The following MRPL22 variants were observed in gnomAD, a reference collection of about 807,000 sequenced individuals.
MRPL22 encodes the protein large ribosomal subunit protein uL22m.
In MRPL22, 27 loss-of-function variants were observed where a neutral mutation model predicts 32.4. The observed-to-expected ratio is 0.83, with a 90% CI of 0.61 to 1.15. The LOEUF (loss-of-function observed/expected upper bound fraction) is 1.15. MRPL22 is among the 50% of genes most tolerant of loss of function. MRPL22 has a pLI of 0.00. For synonymous variants in MRPL22, 86 were observed against 87.3 expected (o/e 0.99, Z 0.08); for missense variants, 239 against 260.2 (o/e 0.92, Z 0.56).
chr5:154,965,654 TGTG>T (rs1230285912), intron 6 of MRPL22, among the ~76,000 whole-genome samples: 2 of 152,088 alleles, frequency 1.3e-5, no homozygotes, highest in African/African-American at 4.8e-5. Context: ...CTCCTGACCT[TGTG>T]GTGATCCGCC....
chr5:154,949,355 T>C (rs1392245333), intron 2 of MRPL22, among the ~76,000 whole-genome samples: 3 of 152,214 alleles, frequency 2.0e-5, no homozygotes, highest in African/African-American at 7.2e-5. Context: ...ATTAGAATAT[T>C]ACATAACTAT....
rs373983650 is a variant in MRPL22, at chr5:154,960,027, A to G, written c.387A>G (p.Glu129=). Reference sequence around the variant, plus strand: ...TGGCAGTGAGAGACCATAACGTGGAATTCAGGTCCAATTTATATATAGGTA... The same window carrying G: ...TGGCAGTGAGAGACCATAACGTGGAGTTCAGGTCCAATTTATATATAGGTA... ...QDMAVRDHNV[E]FRSNLYIAES... is the part of the protein sequence containing the mutation. Residue 129 remains glutamate (E), a synonymous_variant, in exon 6 of 7, where the codon GAA becomes GAG. Transcript: ENST00000523037. 576 of 1,611,114 alleles carry G rather than the reference A, an allele frequency of 3.6e-4. No homozygotes were observed. Among genetic ancestry groups the G allele is most frequent in the Non-Finnish European group, 4.6e-4 (544 of 1,177,944 alleles).
chr5:154,954,784 C>T (rs1466539901), intron 3 of MRPL22, among the ~76,000 whole-genome samples: 1 of 152,040 alleles, frequency 6.6e-6, no homozygotes, highest in Admixed American at 6.6e-5. Flanking sequence ...ATTAAAGGGT[C>T]TCTTCTTTTT....
At chr5:154,947,402 G>A (rs1266924152) in intron 2 of MRPL22, among the ~76,000 whole-genome samples, 1 of 152,172 alleles carries the variant, frequency 6.6e-6, no homozygotes, top group African/African-American at 2.4e-5. Flanking sequence ...GGATGGCAAA[G>A]GTATTGATTT....
chr5:154,953,333 G>C (rs1293564135), intron 3 of MRPL22, among the ~76,000 whole-genome samples: 1 of 135,008 alleles, frequency 7.4e-6, no homozygotes, highest in Non-Finnish European at 1.5e-5. Context: ...ACTTCAGCCT[G>C]GGTGACAGAG....
In MRPL22 at chr5:154,950,929, G is replaced by A. The variant is rs747121538; in HGVS notation, c.186G>A (p.Arg62=). 10 of 1,600,284 alleles carry A rather than the reference G, an allele frequency of 6.2e-6. No homozygotes were observed. The highest frequency in any genetic ancestry group is 1.1e-5 in the South Asian group (1 of 90,678). Residue 62 remains arginine, a synonymous_variant, in exon 3 of 7, where the codon CGG becomes CGA. Coordinates refer to ENST00000523037, the MANE Select transcript of MRPL22 (RefSeq NM_014180.4). ...VYPPQLPGEP[R]RPAEIYHCRR... is the part of the protein sequence containing the mutation. ...CTCCACAACTGCCTGGAGAACCTCGGAGACCAGCAGTAAGTTCGTGGGTAG... is the reference window on the plus strand; with the variant it reads ...CTCCACAACTGCCTGGAGAACCTCGAAGACCAGCAGTAAGTTCGTGGGTAG...
intron 3 of MRPL22, among the ~76,000 whole-genome samples, chr5:154,953,599 G>A (rs572566120): frequency 3.3e-5 from 5 of 150,150 alleles, no homozygotes; most frequent in Non-Finnish European, 4.4e-5. Flanking sequence ...TATATGAGAC[G>A]TATTTTTAAT....
In MRPL22 at chr5:154,966,769, T is replaced by G. The variant is rs748329668; in HGVS notation, c.493T>G (p.Tyr165Asp). ...TCGCTTTGGGATCATGGAGAAGGTTTATTGCCATTATTTTGTGAAGTTGGT... is the reference window on the plus strand; with the variant it reads ...TCGCTTTGGGATCATGGAGAAGGTTGATTGCCATTATTTTGTGAAGTTGGT... ...RGRFGIMEKV[Y>D]CHYFVKLVEG... Residue 165 changes from tyrosine to aspartate, a missense_variant, in exon 7 of 7, where the codon TAT becomes GAT. Coordinates refer to ENST00000523037, the MANE Select transcript of MRPL22 (RefSeq NM_014180.4). The G allele has an allele frequency of 2.5e-6, 4 of 1,614,108 alleles. No homozygotes were observed. The Admixed American group carries it at 6.7e-5, about 27-fold the overall frequency.
At chr5:154,957,384 T>TA (rs1764644517) in intron 5 of MRPL22, among the ~76,000 whole-genome samples, 172 bp downstream of exon 5, 1 of 152,216 alleles carries the variant, frequency 6.6e-6, no homozygotes, top group African/African-American at 2.4e-5. Flanking sequence ...TGTGTATACT[T>TA]TAGGAATGTT....
intron 2 of MRPL22, among the ~76,000 whole-genome samples, chr5:154,949,519 A>G (rs974161535): frequency 2.6e-5 from 4 of 152,178 alleles, no homozygotes; most frequent in African/African-American, 9.7e-5. Flanking sequence ...GGCTATTGCT[A>G]TATAGGATGG....
At chr5:154,941,387 G>C in intron 2 of MRPL22, 122 bp downstream of exon 2, 1 of 1,186,760 alleles carries the variant, frequency 8.4e-7, no homozygotes, top group Non-Finnish European at 1.2e-6. Context: ...AGGCGAATGA[G>C]ACAGCCCGAG....
At chr5:154,951,641 A>T (rs1764562682) in intron 3 of MRPL22, among the ~76,000 whole-genome samples, 1 of 151,910 alleles carries the variant, frequency 6.6e-6, no homozygotes, top group Admixed American at 6.6e-5. Flanking sequence ...GGTTCAAGGG[A>T]TTCTTCTGCC....
In MRPL22 at chr5:154,956,936, A is replaced by T. The variant is rs1277033069; in HGVS notation, c.262-199A>T. 1.1e-5 allele frequency: 6 copies of T among 537,050 alleles called. No homozygotes were observed. The Admixed American group carries it at 2.0e-4, about 18-fold the overall frequency. The allele number at this position is 537,050 out of a possible 1,614,324, so 33.3% of individuals were successfully genotyped here. The stretch of plus-strand genomic sequence containing the variant: ...ATGTTATTGAAACTATTATAATCTC[A>T]GTTTTATGGTTAAAATGTTTGTTTC... On this transcript the variant is annotated intron_variant, in intron 4 of 6. Transcript: ENST00000523037.
At position 154,967,017 on chromosome 5, in the gene MRPL22, G is replaced by A; in HGVS notation, c.*120G>A. 1.9e-6 allele frequency: 2 copies of A among 1,056,624 alleles called. No individual in the cohort carries two copies. Among genetic ancestry groups the A allele is most frequent in the Non-Finnish European group, 2.7e-6 (2 of 751,376 alleles). 65.5% of individuals were successfully genotyped at this position (1,056,624 alleles called of 1,614,324 possible). A position where few individuals can be genotyped will look rare whatever the true frequency, so the allele number is the denominator to read the frequency against. ...TGAATTATTGAAACAGTGTATAACT[G>A]CTAGTTGTAAATGAATATTTATAAG... On this transcript the variant is annotated 3_prime_UTR_variant, in exon 7 of 7. Transcript: ENST00000523037. This position sits in a 1 kb window ranked among gnomAD's most constrained non-coding sequence, Gnocchi z 4.7.
chr5:154,962,078 A>T (rs919102516), intron 6 of MRPL22, among the ~76,000 whole-genome samples: 2 of 152,202 alleles, frequency 1.3e-5, no homozygotes, highest in African/African-American at 4.8e-5. Flanking sequence ...TGATGACTTA[A>T]GTAAGGCTAA....
At chr5:154,949,269 A>G (rs1764529153) in intron 2 of MRPL22, among the ~76,000 whole-genome samples, 1 of 152,082 alleles carries the variant, frequency 6.6e-6, no homozygotes, top group African/African-American at 2.4e-5. Context: ...TACTTATTGG[A>G]TTTTGGCTGA....
intron 4 of MRPL22, 144 bp from the exon 5 acceptor site, chr5:154,956,991 C>G: frequency 1.5e-6 from 1 of 689,036 alleles, no homozygotes; most frequent in Non-Finnish European, 2.4e-6. Context: ...AGTGTCTCCT[C>G]TCAAACTTGT....
In MRPL22 at chr5:154,952,102, C is replaced by T. The variant is rs561118674; in HGVS notation, c.195+1164C>T. Among the ~76,000 whole-genome samples, 18 of 152,138 alleles carry T rather than the reference C, an allele frequency of 1.2e-4. No homozygotes were observed. The South Asian group carries it at 2.7e-3, about 23-fold the overall frequency. On this transcript the variant is annotated intron_variant, in intron 3 of 6. Coordinates refer to ENST00000523037, the MANE Select transcript of MRPL22 (RefSeq NM_014180.4). The stretch of plus-strand genomic sequence containing the variant: ...TTCATCGTGTTAGCCAGGATGGTCT[C>T]GATCTCCTGACCTCATGATCCGCCT...
At position 154,967,684 on chromosome 5, in the gene MRPL22, T is replaced by C. The variant is rs1345134091; in HGVS notation, c.*787T>C. On this transcript the variant is annotated 3_prime_UTR_variant, in exon 7 of 7. Coordinates refer to ENST00000523037, the MANE Select transcript of MRPL22 (RefSeq NM_014180.4). This position sits in a 1 kb window ranked among gnomAD's most constrained non-coding sequence, Gnocchi z 4.7. ...TTAGCAGAAAATTGTTAGTTTCAAATTAGAGTGTTCAACACTGCTTCCCTC... is the reference window on the plus strand; with the variant it reads ...TTAGCAGAAAATTGTTAGTTTCAAACTAGAGTGTTCAACACTGCTTCCCTC... 2 of 152,224 alleles carry C rather than the reference T, an allele frequency of 1.3e-5. No homozygotes were observed. The highest frequency in any genetic ancestry group is 2.9e-5 in the Non-Finnish European group (2 of 68,048). 9.4% of individuals were successfully genotyped at this position (152,224 alleles called of 1,614,324 possible).
Sources: allele counts gnomAD v4.1 joint callset (sites outside exome capture counted in the v4.1 genomes callset), GRCh38; gene constraint gnomAD v4.1.1; non-coding constraint Gnocchi (gnomAD v3.1); transcripts MANE v1.5; gene names NCBI Gene and HGNC (gene_info 2026-07-23, HGNC 2026-07-21).